The following VMP1 variants were observed in gnomAD, a reference collection of about 807,000 sequenced individuals.
VMP1 encodes the protein ectopic P-granules autophagy protein 3 homolog.
In VMP1, 11 loss-of-function variants were observed where a neutral mutation model predicts 56.0. The ratio of observed to expected loss-of-function variants is 0.20; its 90% CI spans 0.12 to 0.32. VMP1 has a LOEUF of 0.32. Ranked by LOEUF, VMP1 falls within the 10% of genes least tolerant of loss-of-function variation. The pLI is 1.00. For missense variants in VMP1, 296 were observed against 490.3 expected, an observed-to-expected ratio of 0.60 and a Z score of 3.74; for synonymous variants, 149 against 165.0, an observed-to-expected ratio of 0.90 and a Z score of 0.74.
intron 5 of VMP1, among the ~76,000 whole-genome samples, chr17:59,761,843 T>G (rs1352332313): frequency 6.6e-6 from 1 of 152,120 alleles, no homozygotes; most frequent in Non-Finnish European, 1.5e-5. Context: ...AGCTTTCTCT[T>G]TTCTGGTATA....
chr17:59,708,869 C>G (rs1250942678), intron 1 of VMP1, among the ~76,000 whole-genome samples: 2 of 152,142 alleles, frequency 1.3e-5, no homozygotes, highest in Non-Finnish European at 2.9e-5. Flanking sequence ...ACAAATGTGA[C>G]TGATTTGTGT....
At chr17:59,758,404 A>G (rs779053823) in intron 5 of VMP1, among the ~76,000 whole-genome samples, 14 of 152,188 alleles carry the variant, frequency 9.2e-5, no homozygotes, top group Non-Finnish European at 2.1e-4. Flanking sequence ...TCAACTATGT[A>G]TGTGCCAGGC....
At chr17:59,787,760 G>A (rs1345182978) in intron 7 of VMP1, among the ~76,000 whole-genome samples, 1 of 152,094 alleles carries the variant, frequency 6.6e-6, no homozygotes, top group Admixed American at 6.5e-5. Context: ...GGCAGAGGAT[G>A]CAGTGAGCCG....
chr17:59,727,906 C>G (rs1416655990), intron 1 of VMP1, among the ~76,000 whole-genome samples: 1 of 152,176 alleles, frequency 6.6e-6, no homozygotes, highest in Non-Finnish European at 1.5e-5. Context: ...GAAAATGAAA[C>G]TTTGCTTAAG....
chr17:59,780,349 G>C (rs765797828), intron 7 of VMP1, among the ~76,000 whole-genome samples: 5 of 152,168 alleles, frequency 3.3e-5, no homozygotes, highest in Non-Finnish European at 5.9e-5. Flanking sequence ...CCAGCACTTT[G>C]GGAGACCAAG....
chr17:59,756,545 G>A (rs1408442625), intron 5 of VMP1, among the ~76,000 whole-genome samples: 2 of 152,214 alleles, frequency 1.3e-5, no homozygotes, highest in Admixed American at 1.3e-4. Flanking sequence ...TGATGGATTA[G>A]GCTATGAATT....
intron 7 of VMP1, among the ~76,000 whole-genome samples, chr17:59,806,715 C>CAA (rs5821281): frequency 0.01 from 1,224 of 120,654 alleles, 12 homozygotes; most frequent in African/African-American, 0.033. Context: ...AAGTTTGTCT[C>CAA]AAAAAAAAAA....
At chr17:59,754,580 G>T (rs1047526003) in intron 5 of VMP1, among the ~76,000 whole-genome samples, 1 of 152,128 alleles carries the variant, frequency 6.6e-6, no homozygotes, top group Non-Finnish European at 1.5e-5. Flanking sequence ...AGACAAAAAA[G>T]AAATTACCAA....
intron 5 of VMP1, among the ~76,000 whole-genome samples, chr17:59,763,758 T>G (rs1353286800): frequency 6.6e-6 from 1 of 152,244 alleles, no homozygotes; most frequent in Admixed American, 6.5e-5. Flanking sequence ...CACTTACTTT[T>G]CTGTGGGACT....
Position 59,841,687 on chromosome 17 carries a change from T to C in VMP1, c.*1776T>C, listed in dbSNP as rs1257866996. 6.5e-6 allele frequency: 1 copy of C among 152,824 alleles called. No homozygotes were observed. The highest frequency in any genetic ancestry group is 1.5e-5 in the Non-Finnish European group (1 of 68,402). 9.5% of individuals were successfully genotyped at this position (152,824 alleles called of 1,614,324 possible). A position where few individuals can be genotyped will look rare whatever the true frequency, so the allele number is the denominator to read the frequency against. On this transcript the variant is annotated 3_prime_UTR_variant, in exon 12 of 12. Coordinates refer to ENST00000262291, the MANE Select transcript of VMP1 (RefSeq NM_030938.5). Reference sequence around the variant, plus strand: ...TTAGATAGATTAACATTAACCAACATAATTTTTTTTAGATCGAGTCAGCAT... The same window carrying C: ...TTAGATAGATTAACATTAACCAACACAATTTTTTTTAGATCGAGTCAGCAT...
At chr17:59,837,710 G>A (rs749903215) in intron 10 of VMP1, 3 of 152,170 alleles carry the variant, frequency 2.0e-5, no homozygotes, top group Non-Finnish European at 4.4e-5. Flanking sequence ...GTTTGCTAAT[G>A]CATTCTTTTT....
chr17:59,735,995 A>G (rs1568046715), intron 3 of VMP1, among the ~76,000 whole-genome samples: 1 of 152,224 alleles, frequency 6.6e-6, no homozygotes, highest in Non-Finnish European at 1.5e-5. Context: ...CTTCCAAGTT[A>G]TTCTCTGTAC....
chr17:59,740,969 G>A (rs144380024), intron 5 of VMP1, among the ~76,000 whole-genome samples: 172 of 152,264 alleles, frequency 1.1e-3, no homozygotes, highest in African/African-American at 4.0e-3. Context: ...AAGCCAAGGC[G>A]GGCTGATCAC....
rs1030392522 is a variant in VMP1, at chr17:59,839,775, A to C, written c.1085A>C (p.Asn362Thr). 2 of 1,608,660 alleles carry C rather than the reference A, an allele frequency of 1.2e-6. No individual in the cohort carries two copies. The highest frequency in any genetic ancestry group is 2.7e-5 in the African/African-American group (2 of 74,536). The change falls in exon 12 of 12, where the codon AAC becomes ACC. Residue 362 changes from asparagine (N) to threonine (T), a missense_variant. This residue lies in a region of VMP1 where 95 missense variants were observed against 137.6 expected (regional missense o/e 0.69). Coordinates refer to ENST00000262291, the MANE Select transcript of VMP1 (RefSeq NM_030938.5). ...CTGCATTTATTTCTACAGGGAGAAA[A>C]CTGGTTGTCCTGGATGTTTGAAAAG... Reference protein sequence around the residue: ...KSEMGTPQGENWLSWMFEKLV... With the variant: ...KSEMGTPQGETWLSWMFEKLV...
intron 7 of VMP1, chr17:59,784,811 T>C (rs2036951563): frequency 6.6e-6 from 1 of 152,208 alleles, no homozygotes. Context: ...CTGAGAGCAA[T>C]TGTCATCTGA....
At chr17:59,720,637 T>A (rs1308834362) in intron 1 of VMP1, among the ~76,000 whole-genome samples, 2 of 152,154 alleles carry the variant, frequency 1.3e-5, no homozygotes, top group Non-Finnish European at 2.9e-5. Context: ...AAACTAACAT[T>A]AAGCGACTGC....
At chr17:59,744,462 C>CAAA (rs60407542) in intron 5 of VMP1, among the ~76,000 whole-genome samples, 1 of 53,852 alleles carries the variant, frequency 1.9e-5, no homozygotes, top group African/African-American at 6.5e-5. Context: ...AATTCCATCT[C>CAAA]AAAAAAAAAA....
At chr17:59,805,075 T>C (rs2037801561) in intron 7 of VMP1, among the ~76,000 whole-genome samples, 1 of 152,204 alleles carries the variant, frequency 6.6e-6, no homozygotes, top group Non-Finnish European at 1.5e-5. Flanking sequence ...AAAGGCACTT[T>C]ACTTGTTTTC....
intron 5 of VMP1, among the ~76,000 whole-genome samples, chr17:59,743,614 T>C (rs1354899346): frequency 2.7e-5 from 4 of 149,470 alleles, no homozygotes; most frequent in Non-Finnish European, 4.4e-5. Context: ...ATATATGCTA[T>C]ATATATGCTA....
Sources: gnomAD v4.1 joint callset for allele counts (sites outside exome capture counted in the v4.1 genomes callset) on GRCh38, gnomAD v4.1.1 for gene constraint, gnomAD v4.1.1 regional missense constraint, MANE v1.5 for transcripts, NCBI Gene and HGNC (gene_info 2026-07-23, HGNC 2026-07-21) for gene names.